Variants in AGTR1 observed in about 807,000 individuals in gnomAD.
The protein encoded by AGTR1 is angiotensin II receptor type 1, also known as type-1 angiotensin II receptor.
In AGTR1, 16 loss-of-function variants were observed where a neutral mutation model predicts 19.4. That is an observed-to-expected ratio of 0.82 (90% CI 0.56 to 1.25). AGTR1 has a LOEUF of 1.25. AGTR1 is among the 50% of genes most tolerant of loss of function. The pLI, the probability that AGTR1 is intolerant of heterozygous loss-of-function variation, is 0.00. For synonymous variants in AGTR1, 153 were observed against 154.9 expected (o/e 0.99, Z 0.09); for missense variants, 373 against 431.9 (o/e 0.86, Z 1.21).
At chr3:148,724,141 T>A (rs1168232985) in intron 2 of AGTR1, among the ~76,000 whole-genome samples, 1 of 152,198 alleles carries the variant, frequency 6.6e-6, no homozygotes, top group African/African-American at 2.4e-5. Context: ...TAAAGTTAGC[T>A]GTTTTCCCCC....
At chr3:148,709,048 G>T (rs924985587) in intron 2 of AGTR1, among the ~76,000 whole-genome samples, 45 of 152,292 alleles carry the variant, frequency 3.0e-4, no homozygotes, top group African/African-American at 1.1e-3. Context: ...TAATCTTGGA[G>T]ATAAAAATAG....
At chr3:148,739,272 T>C (rs2107971476) in intron 2 of AGTR1, among the ~76,000 whole-genome samples, 1 of 151,166 alleles carries the variant, frequency 6.6e-6, no homozygotes, top group East Asian at 2.0e-4. Flanking sequence ...GGCATGAGAA[T>C]CACTTGAACC....
chr3:148,705,801 CGTAA>C (rs1712635785), intron 1 of AGTR1, among the ~76,000 whole-genome samples: 1 of 151,502 alleles, frequency 6.6e-6, no homozygotes, highest in Non-Finnish European at 1.5e-5. Context: ...ACATATGAAT[CGTAA>C]GTGTGATCCC....
chr3:148,721,282 G>A (rs1057511925), intron 2 of AGTR1, among the ~76,000 whole-genome samples: 1 of 152,104 alleles, frequency 6.6e-6, no homozygotes, highest in East Asian at 1.9e-4. Flanking sequence ...ACTATAACAT[G>A]TTTTCCCCTA....
At chr3:148,722,375 C>T (rs1321055130) in intron 2 of AGTR1, among the ~76,000 whole-genome samples, 1 of 152,176 alleles carries the variant, frequency 6.6e-6, no homozygotes, top group Non-Finnish European at 1.5e-5. Context: ...ATGAAAACTA[C>T]AATGTCTGAG....
chr3:148,703,963 C>T (rs1712507658), intron 1 of AGTR1, among the ~76,000 whole-genome samples: 1 of 152,058 alleles, frequency 6.6e-6, no homozygotes, highest in Non-Finnish European at 1.5e-5. Context: ...ACTATGACAG[C>T]CTGTCCAAAT....
chr3:148,702,922 AT>A (rs1378981671), intron 1 of AGTR1, among the ~76,000 whole-genome samples: 1 of 152,216 alleles, frequency 6.6e-6, no homozygotes, highest in Non-Finnish European at 1.5e-5. Context: ...ACACTGTCCT[AT>A]TACACACAAT....
intron 2 of AGTR1, among the ~76,000 whole-genome samples, chr3:148,710,012 A>G (rs930722066): frequency 1.3e-5 from 2 of 152,184 alleles, no homozygotes; most frequent in Admixed American, 1.3e-4. Context: ...TTAAAATTAA[A>G]CTAAAAATTC....
intron 2 of AGTR1, among the ~76,000 whole-genome samples, chr3:148,734,462 T>G (rs1166830076): frequency 2.0e-5 from 3 of 152,188 alleles, no homozygotes; most frequent in Admixed American, 1.3e-4. Flanking sequence ...CAGATGACAG[T>G]GGATGATATT....
intron 2 of AGTR1, among the ~76,000 whole-genome samples, chr3:148,713,682 A>G (rs1559924762): frequency 6.6e-6 from 1 of 152,014 alleles, no homozygotes; most frequent in African/African-American, 2.4e-5. Flanking sequence ...AAAGAGGTAG[A>G]AAAAAACCCA....
intron 2 of AGTR1, among the ~76,000 whole-genome samples, chr3:148,733,908 A>C (rs947477549): frequency 6.6e-6 from 1 of 152,204 alleles, no homozygotes; most frequent in South Asian, 2.1e-4. Flanking sequence ...CATATTTAAC[A>C]TAAGAGTATT....
intron 1 of AGTR1, among the ~76,000 whole-genome samples, chr3:148,700,358 A>G (rs888332549): frequency 6.6e-5 from 10 of 152,196 alleles, no homozygotes; most frequent in Non-Finnish European, 1.3e-4. Flanking sequence ...TTTAAAACTC[A>G]TAGTTTAAAT....
At chr3:148,721,038 C>T (rs529597276) in intron 2 of AGTR1, among the ~76,000 whole-genome samples, 1 of 152,040 alleles carries the variant, frequency 6.6e-6, no homozygotes, top group South Asian at 2.1e-4. Flanking sequence ...TTGTTTTTTG[C>T]CCCATGGGTT....
intron 1 of AGTR1, among the ~76,000 whole-genome samples, chr3:148,700,865 T>G (rs1712299244): frequency 6.6e-6 from 1 of 152,236 alleles, no homozygotes. Flanking sequence ...TGTTTCTTTT[T>G]CAAAATTGCC....
chr3:148,706,773 G>A (rs993922873), intron 1 of AGTR1, among the ~76,000 whole-genome samples: 1 of 151,832 alleles, frequency 6.6e-6, no homozygotes, highest in Non-Finnish European at 1.5e-5. Flanking sequence ...CATAATTAAC[G>A]AAATGCAAGT....
intron 1 of AGTR1, among the ~76,000 whole-genome samples, chr3:148,701,751 C>G (rs1712359144): frequency 6.6e-6 from 1 of 152,012 alleles, no homozygotes; most frequent in Non-Finnish European, 1.5e-5. Context: ...ATGTGCCTTC[C>G]TATTTCAAGT....
Position 148,716,589 on chromosome 3 carries a change from A to G in AGTR1, c.-48+8562A>G, listed in dbSNP as rs922052076. Among the ~76,000 whole-genome samples the G allele has an allele frequency of 3.9e-5, 6 of 152,142 alleles. No homozygotes were observed. The highest frequency in any genetic ancestry group is 1.4e-4 in the African/African-American group (6 of 41,428). On this transcript the variant is annotated intron_variant, in intron 2 of 2. Coordinates refer to ENST00000349243, the MANE Select transcript of AGTR1 (RefSeq NM_000685.5). This position sits in a 1 kb window ranked among gnomAD's most constrained non-coding sequence, Gnocchi z 4.7. ...GAATATGCAATACATAACCTTAAACAAGAAGTTTTCATTCCTAATTAAAAA... is the reference window on the plus strand; with the variant it reads ...GAATATGCAATACATAACCTTAAACGAGAAGTTTTCATTCCTAATTAAAAA...
intron 2 of AGTR1, among the ~76,000 whole-genome samples, chr3:148,732,499 TTTG>T (rs1354043434): frequency 2.6e-4 from 39 of 152,228 alleles, no homozygotes; most frequent in Non-Finnish European, 4.6e-4. Flanking sequence ...TTTTTTTCAC[TTTG>T]TTGTTTCAAT....
At chr3:148,717,102 C>T (rs1355408011) in intron 2 of AGTR1, among the ~76,000 whole-genome samples, 1 of 150,572 alleles carries the variant, frequency 6.6e-6, no homozygotes, top group Non-Finnish European at 1.5e-5. Context: ...CTGTTTCACA[C>T]ACGTGGTTTT....
Sources: gnomAD v4.1 joint callset for allele counts (sites outside exome capture counted in the v4.1 genomes callset) on GRCh38, gnomAD v4.1.1 for gene constraint, Gnocchi (gnomAD v3.1) non-coding constraint, MANE v1.5 for transcripts, NCBI Gene and HGNC (gene_info 2026-07-23, HGNC 2026-07-21) for gene names.